Variants in NGEF observed in about 807,000 individuals in gnomAD.
NGEF encodes the protein neuronal guanine nucleotide exchange factor, also known as ephexin-1.
A neutral mutation model predicts 80.9 loss-of-function variants in NGEF; 31 were observed. That is an observed-to-expected ratio of 0.38 (90% CI 0.29 to 0.52). The LOEUF is 0.52. Ranked by LOEUF, NGEF falls within the 20% of genes least tolerant of loss-of-function variation. The pLI, the probability that NGEF is intolerant of heterozygous loss-of-function variation, is 0.84. For missense variants in NGEF, 709 were observed against 926.2 expected, an observed-to-expected ratio of 0.77 and a Z score of 3.04; for synonymous variants, 371 against 370.2, an observed-to-expected ratio of 1.00 and a Z score of -0.03.
intron 8 of NGEF, among the ~76,000 whole-genome samples, chr2:232,889,519 T>G (rs1307527876): frequency 6.6e-6 from 1 of 152,262 alleles, no homozygotes; most frequent in Non-Finnish European, 1.5e-5. Context: ...GGTTTTCATC[T>G]TATAGAAGCT....
rs776238697 is a variant in NGEF at position 232,893,057 on chromosome 2, G to A, written c.990-7C>T. On this transcript the variant is annotated splice_polypyrimidine_tract_variant and splice_region_variant and intron_variant, in intron 6 of 14. Coordinates refer to ENST00000264051, the MANE Select transcript of NGEF (RefSeq NM_019850.3). ...CTCCAGCTCCAGGAGGAACCTACGA[G>A]AGGCAGCGGCTTGAGGCGGAGGGTG... 4 of 1,609,618 alleles carry A rather than the reference G, an allele frequency of 2.5e-6. No individual in the cohort carries two copies. Among genetic ancestry groups the A allele is most frequent in the African/African-American group, 1.3e-5 (1 of 75,012 alleles).
At chr2:232,885,952 G>A (rs904536362) in intron 9 of NGEF, among the ~76,000 whole-genome samples, 1 of 152,200 alleles carries the variant, frequency 6.6e-6, no homozygotes, top group Non-Finnish European at 1.5e-5. Context: ...CAGTGGATTC[G>A]ATTAAAATAG....
intron 3 of NGEF, among the ~76,000 whole-genome samples, chr2:232,968,695 G>A (rs551780040): frequency 3.3e-5 from 5 of 152,186 alleles, no homozygotes; most frequent in African/African-American, 9.7e-5. Context: ...ATGAGCCACT[G>A]CGCCTGGCCC....
At chr2:232,968,997 C>T (rs879736635) in intron 3 of NGEF, among the ~76,000 whole-genome samples, 7 of 152,202 alleles carry the variant, frequency 4.6e-5, no homozygotes, top group Non-Finnish European at 8.8e-5. Flanking sequence ...GAAGGAGCCG[C>T]GGTCACGACC....
intron 1 of NGEF, among the ~76,000 whole-genome samples, chr2:233,010,985 G>C (rs560735380): frequency 6.6e-6 from 1 of 152,228 alleles, no homozygotes; most frequent in Admixed American, 6.5e-5. Context: ...CGGGGAGAAG[G>C]GGGGTCTGAA....
chr2:232,951,496 G>A (rs984109936), intron 3 of NGEF, among the ~76,000 whole-genome samples: 2 of 152,180 alleles, frequency 1.3e-5, no homozygotes, highest in African/African-American at 2.4e-5. Flanking sequence ...CAAAAATGGA[G>A]CATGCTATTA....
intron 8 of NGEF, 121 bp downstream of exon 8, chr2:232,891,237 A>T: frequency 2.3e-6 from 3 of 1,315,804 alleles, no homozygotes; most frequent in Non-Finnish European, 3.2e-6. Context: ...TGCTTGGCAC[A>T]CATGGGAGGA....
At chr2:232,900,426 ATGCTCT>A (rs1559199935) in intron 5 of NGEF, among the ~76,000 whole-genome samples, 5 of 74,812 alleles carry the variant, frequency 6.7e-5, no homozygotes, top group Non-Finnish European at 1.1e-4. Flanking sequence ...ATTCACTTAC[ATGCTCT>A]CACAGTCACT....
chr2:232,888,488 T>C (rs1415272357), intron 8 of NGEF, among the ~76,000 whole-genome samples: 1 of 151,230 alleles, frequency 6.6e-6, no homozygotes, highest in African/African-American at 2.4e-5. Flanking sequence ...CACACACATG[T>C]ACACACGTGT....
chr2:232,904,841 G>C (rs939930005), intron 5 of NGEF, among the ~76,000 whole-genome samples: 5 of 152,164 alleles, frequency 3.3e-5, no homozygotes, highest in African/African-American at 1.2e-4. Context: ...AGCTACTTGA[G>C]AGGCTGAGGC....
intron 5 of NGEF, among the ~76,000 whole-genome samples, chr2:232,913,341 AG>A (rs1319977648): frequency 6.6e-6 from 1 of 152,234 alleles, no homozygotes; most frequent in African/African-American, 2.4e-5. Context: ...TTAGGGTCAG[AG>A]AACATACTTT....
chr2:232,921,627 CTTTTT>C (rs34498818), intron 4 of NGEF, among the ~76,000 whole-genome samples: 1 of 139,660 alleles, frequency 7.2e-6, no homozygotes, highest in Middle Eastern at 3.3e-3. Context: ...AGTTTTTCCT[CTTTTT>C]TTTTTTTTTT....
rs1190308386 is a variant in NGEF at position 232,995,316 on chromosome 2, GTATATGTGTACAGTATGTATACTA to G, written c.-75+17728_-75+17751del. ...TGTATATGTGTACAGTATGTATACT[GTATATGTGTACAGTATGTATACTA>G]TATACAGTATGTATACTGTATACTG... On this transcript the variant is annotated intron_variant, in intron 1 of 14. Coordinates refer to ENST00000264051, the MANE Select transcript of NGEF (RefSeq NM_019850.3). Among the ~76,000 whole-genome samples, 10 of 54,348 alleles carry G rather than the reference GTATATGTGTACAGTATGTATACTA, an allele frequency of 1.8e-4. 5 individuals carry two copies. In the South Asian group the frequency reaches 0.012, roughly 67 times the overall value. 35.7% of individuals were successfully genotyped at this position (54,348 alleles called of 152,430 possible). A position where few individuals can be genotyped will look rare whatever the true frequency, so the allele number is the denominator to read the frequency against.
At chr2:232,962,470 G>A (rs1199337806) in intron 3 of NGEF, among the ~76,000 whole-genome samples, 2 of 151,918 alleles carry the variant, frequency 1.3e-5, no homozygotes, top group Non-Finnish European at 2.9e-5. Flanking sequence ...AATCACTTGA[G>A]CCCAGGAGAT....
In NGEF at chr2:232,910,395, T is replaced by C. The variant is rs1332465367; in HGVS notation, c.828+9889A>G. ...CCTATGAGAAATACAGCTGTAAATA[T>C]AGATCAAGCTTTGGTTGCTTACCCG... On this transcript the variant is annotated intron_variant, in intron 5 of 14. Coordinates refer to ENST00000264051, the MANE Select transcript of NGEF (RefSeq NM_019850.3). Among the ~76,000 whole-genome samples, 51 of 149,268 alleles carry C rather than the reference T, an allele frequency of 3.4e-4. 1 individual carries two copies. Among genetic ancestry groups the C allele is most frequent in the Non-Finnish European group, 1.2e-4 (8 of 67,636 alleles).
chr2:232,997,420 G>A (rs2106340777), intron 1 of NGEF, among the ~76,000 whole-genome samples: 1 of 152,246 alleles, frequency 6.6e-6, no homozygotes, highest in South Asian at 2.1e-4. Flanking sequence ...GTCCTGAGGT[G>A]ACACAGGCCT....
At position 232,963,434 on chromosome 2, in the gene NGEF, A is replaced by G. The variant is rs189498210; in HGVS notation, c.383+6780T>C. ...TATCTTCATGACTTCAAAGTGGTCT[A>G]CTATTTCTTAGGATATAAAAGGACA... On this transcript the variant is annotated intron_variant, in intron 3 of 14. Coordinates refer to ENST00000264051, the MANE Select transcript of NGEF (RefSeq NM_019850.3). Among the ~76,000 whole-genome samples, 131 of 152,108 alleles carry G rather than the reference A, an allele frequency of 8.6e-4. 5 individuals are homozygous for G. The highest frequency in any genetic ancestry group is 3.1e-3 in the African/African-American group (127 of 41,372).
chr2:232,897,289 T>C (rs1692130458), intron 5 of NGEF, among the ~76,000 whole-genome samples: 1 of 151,872 alleles, frequency 6.6e-6, no homozygotes, highest in South Asian at 2.1e-4. Flanking sequence ...AGGCATTTGT[T>C]CCCAGAACAC....
At chr2:232,884,512 TGTGA>T (rs1220408935) in intron 10 of NGEF, among the ~76,000 whole-genome samples, 1 of 152,168 alleles carries the variant, frequency 6.6e-6, no homozygotes, top group Non-Finnish European at 1.5e-5. Flanking sequence ...TGTGTGTGCC[TGTGA>T]GTGTGGCAGC....
Sources: allele counts gnomAD v4.1 joint callset (sites outside exome capture counted in the v4.1 genomes callset), GRCh38; gene constraint gnomAD v4.1.1; transcripts MANE v1.5; gene names NCBI Gene and HGNC (gene_info 2026-07-23, HGNC 2026-07-21).